PCDHA9: variants seen among roughly 807,000 people sequenced by gnomAD.
The protein encoded by PCDHA9 is protocadherin alpha-9.
Under a neutral mutation model 62.0 loss-of-function variants are expected in PCDHA9, and 62 were observed. That is an observed-to-expected ratio of 1.00 (90% CI 0.81 to 1.23). The LOEUF is 1.23. PCDHA9 is among the 50% of genes most tolerant of loss of function. The pLI is 0.00. For missense variants in PCDHA9, 1,205 were observed against 1,249.8 expected (o/e 0.96, Z 0.54); for synonymous variants, 557 against 567.6 (o/e 0.98, Z 0.27).
intron 1 of PCDHA9, among the ~76,000 whole-genome samples, chr5:140,941,214 C>CTTT (rs1554214039): frequency 0.031 from 3,845 of 122,336 alleles, 93 homozygotes; most frequent in South Asian, 0.048. Flanking sequence ...TTTCTTTCTT[C>CTTT]CTTTCTTTCT....
intron 1 of PCDHA9, chr5:140,862,565 A>G: frequency 2.1e-6 from 1 of 478,016 alleles, no homozygotes; most frequent in Non-Finnish European, 4.3e-6. Context: ...GTGAACCACA[A>G]TGCCCTGGCG....
chr5:140,927,640 A>G (rs2084459027), intron 1 of PCDHA9: 8 of 1,614,138 alleles, frequency 5.0e-6, no homozygotes, highest in Non-Finnish European at 6.8e-6. Flanking sequence ...ACCCAATGGG[A>G]CTGTGTTATT....
chr5:140,850,687 A>T lies in PCDHA9; in HGVS notation c.2192A>T (p.Glu731Val). ...LRCSAMPTEG[E>V]CAPGKPTLVC... ...TGCTCGGCGATGCCCACCGAGGGCG[A>T]GTGCGCGCCTGGCAAGCCGACGCTG... Residue 731 changes from glutamate (E) to valine (V), a missense_variant, in exon 1 of 4, where the codon GAG (glutamate) becomes GTG (valine). This residue lies in a region of PCDHA9 where 887 missense variants were observed against 809.5 expected (regional missense o/e 1.10). Transcript: ENST00000532602. 1 of 1,597,792 alleles carries T rather than the reference A, an allele frequency of 6.3e-7. No homozygotes were observed.
Position 140,882,403 on chromosome 5 carries a change from G to A in PCDHA9, c.2394+31514G>A, listed in dbSNP as rs536389638. ...AGGAAGCAAAACACGGCACCTTCGTGGGCCGCATCGCTCAGGACCTGGGGC... is the reference window on the plus strand; with the variant it reads ...AGGAAGCAAAACACGGCACCTTCGTAGGCCGCATCGCTCAGGACCTGGGGC... On this transcript the variant is annotated intron_variant, in intron 1 of 3. Transcript: ENST00000532602. 1.9e-5 allele frequency: 31 copies of A among 1,614,168 alleles called. No homozygotes were observed. In the South Asian group the frequency reaches 3.3e-4, roughly 17 times the overall value.
At chr5:140,990,107 A>C (rs1359747896) in intron 3 of PCDHA9, among the ~76,000 whole-genome samples, 1 of 152,044 alleles carries the variant, frequency 6.6e-6, no homozygotes, top group East Asian at 1.9e-4. Context: ...TGAAACAGGA[A>C]ATTGAGAGCT....
chr5:140,901,286 C>T (rs1681382612), intron 1 of PCDHA9, among the ~76,000 whole-genome samples: 1 of 151,988 alleles, frequency 6.6e-6, no homozygotes. Flanking sequence ...AAATTTTTGC[C>T]CAGACTGATG....
At chr5:140,870,955 C>G (rs782342308) in intron 1 of PCDHA9, 1 of 1,613,632 alleles carries the variant, frequency 6.2e-7, no homozygotes, top group South Asian at 1.1e-5. Context: ...GGGCGGCTCG[C>G]GCATCCCGTT....
rs138948867 is a variant in PCDHA9 at position 140,849,674 on chromosome 5, C to T, written c.1179C>T (p.Val393=). 1.4e-4 allele frequency: 225 copies of T among 1,598,712 alleles called. 14 individuals carry two copies. The African/African-American group carries it at 2.2e-3, about 16-fold the overall frequency. The change falls in exon 1 of 4, where the codon GTC becomes GTT. Residue 393 remains valine, a synonymous_variant. Coordinates refer to ENST00000532602, the MANE Select transcript of PCDHA9 (RefSeq NM_031857.2). The stretch of plus-strand genomic sequence containing the variant: ...TTACCTGCTCCCTGACGCCCCACGT[C>T]CCCTTCAAGCTGGTGTCCACCTACA... ...GQVTCSLTPH[V]PFKLVSTYKN...
intron 1 of PCDHA9, among the ~76,000 whole-genome samples, chr5:140,898,221 T>C (rs1238265746): frequency 6.6e-6 from 1 of 152,230 alleles, no homozygotes; most frequent in South Asian, 2.1e-4. Flanking sequence ...ATTTTGGCTT[T>C]TGTTGCCATT....
intron 1 of PCDHA9, among the ~76,000 whole-genome samples, chr5:140,915,256 T>C (rs782716023): frequency 1.3e-5 from 2 of 152,162 alleles, no homozygotes; most frequent in Non-Finnish European, 2.9e-5. Flanking sequence ...CAGGTTGTTA[T>C]TATTTTTGAC....
At chr5:140,986,141 G>C (rs1473474920) in intron 3 of PCDHA9, among the ~76,000 whole-genome samples, 2 of 152,138 alleles carry the variant, frequency 1.3e-5, no homozygotes, top group African/African-American at 2.4e-5. Context: ...ATCAACAAGG[G>C]CATCACCAAG....
intron 1 of PCDHA9, chr5:140,875,239 A>G (rs1008116554): frequency 1.1e-6 from 1 of 915,946 alleles, no homozygotes; most frequent in Non-Finnish European, 1.5e-6. Flanking sequence ...TCTTGTACTT[A>G]CATAATCAGT....
chr5:140,972,260 C>T (rs155805), intron 1 of PCDHA9, among the ~76,000 whole-genome samples: 8,116 of 151,624 alleles, frequency 0.054, 294 homozygotes, highest in Middle Eastern at 0.15. Flanking sequence ...ACACATCAGC[C>T]TCCTGAGTAG....
chr5:140,937,322 C>T (rs2091472402), intron 1 of PCDHA9, among the ~76,000 whole-genome samples: 1 of 152,084 alleles, frequency 6.6e-6, no homozygotes, highest in Non-Finnish European at 1.5e-5. Context: ...CAGGCGTGAG[C>T]CACCGCGCCC....
intron 3 of PCDHA9, among the ~76,000 whole-genome samples, chr5:140,991,495 A>C (rs1331520722): frequency 6.6e-6 from 1 of 152,220 alleles, no homozygotes; most frequent in Non-Finnish European, 1.5e-5. Flanking sequence ...GTCCACAGTG[A>C]GTTTCACTGG....
In PCDHA9 at chr5:140,857,915, G is replaced by A. The variant is rs1265955881; in HGVS notation, c.2394+7026G>A. The A allele has an allele frequency of 4.6e-5, 74 of 1,597,796 alleles. 10 individuals carry two copies. The highest frequency in any genetic ancestry group is 6.0e-5 in the Non-Finnish European group (70 of 1,167,592). On this transcript the variant is annotated intron_variant, in intron 1 of 3. Transcript: ENST00000532602. ...GGTTGGTGCACGCATCCCGTTTCGC[G>A]TGGGGCTGTACACGGGCGAGATCAG...
intron 1 of PCDHA9, chr5:140,871,257 G>A (rs374337862): frequency 1.2e-6 from 2 of 1,613,940 alleles, no homozygotes; most frequent in Admixed American, 1.7e-5. Context: ...TGCTGTATAC[G>A]GCGCTGTGGT....
Position 140,968,451 on chromosome 5 carries a change from C to T in PCDHA9, c.2395-10498C>T, listed in dbSNP as rs782416830. 9 of 1,614,130 alleles carry T rather than the reference C, an allele frequency of 5.6e-6. No homozygotes were observed. The South Asian group carries it at 9.9e-5, about 18-fold the overall frequency. ...AAGGGGAGCCCACCACTGAGCAGCACTGTGACTGCCAACGTATATGTGGTG... is the reference window on the plus strand; with the variant it reads ...AAGGGGAGCCCACCACTGAGCAGCATTGTGACTGCCAACGTATATGTGGTG... On this transcript the variant is annotated intron_variant, in intron 1 of 3. Transcript: ENST00000532602.
chr5:140,911,605 T>C (rs2075559169), intron 1 of PCDHA9, among the ~76,000 whole-genome samples: 1 of 152,224 alleles, frequency 6.6e-6, no homozygotes, highest in Non-Finnish European at 1.5e-5. Context: ...AACTTCATTA[T>C]GTTCCTTAGT....
Sources: gnomAD v4.1 joint callset for allele counts (sites outside exome capture counted in the v4.1 genomes callset) on GRCh38, gnomAD v4.1.1 for gene constraint, gnomAD v4.1.1 regional missense constraint, MANE v1.5 for transcripts, NCBI Gene and HGNC (gene_info 2026-07-23, HGNC 2026-07-21) for gene names.